Variants in VEPH1 observed in about 807,000 individuals in gnomAD.
VEPH1 encodes the protein ventricular zone expressed PH domain containing 1, also known as ventricular zone-expressed PH domain-containing protein homolog 1.
VEPH1 carries 80 observed loss-of-function variants against 85.2 expected under a neutral mutation model. That is an observed-to-expected ratio of 0.94 (90% CI 0.78 to 1.13). The LOEUF (loss-of-function observed/expected upper bound fraction) is 1.13. Ranked by LOEUF, VEPH1 falls within the 50% of genes most tolerant of loss-of-function variation. The probability of loss-of-function intolerance (pLI) is 0.00; values close to 1 mark genes in which losing one functional copy is unlikely to be tolerated. For missense variants in VEPH1, 955 were observed against 980.5 expected (o/e 0.97, Z 0.35); for synonymous variants, 297 against 348.0 (o/e 0.85, Z 1.63).
chr3:157,460,161 G>A lies in VEPH1; in HGVS notation c.529+20C>T. 1 of 1,614,142 alleles carries A rather than the reference G, an allele frequency of 6.2e-7. No homozygotes were observed. Among genetic ancestry groups the A allele is most frequent in the Non-Finnish European group, 8.5e-7 (1 of 1,180,030 alleles). Reference sequence around the variant, plus strand: ...AATATCTCCCAAAACATGTCCCCAAGCTCAACTTTCGCACCATACCTTGGA... The same window carrying A: ...AATATCTCCCAAAACATGTCCCCAAACTCAACTTTCGCACCATACCTTGGA... On this transcript the variant is annotated intron_variant, in intron 4 of 13. Transcript: ENST00000362010.
At chr3:157,349,491 C>T (rs1724608697) in intron 9 of VEPH1, among the ~76,000 whole-genome samples, 1 of 152,138 alleles carries the variant, frequency 6.6e-6, no homozygotes, top group Non-Finnish European at 1.5e-5. Context: ...GATGCCTACT[C>T]TCCCCAATCT....
At chr3:157,351,664 A>G (rs1439318104) in intron 9 of VEPH1, among the ~76,000 whole-genome samples, 1 of 152,192 alleles carries the variant, frequency 6.6e-6, no homozygotes, top group Non-Finnish European at 1.5e-5. Flanking sequence ...GTCTTGTGGA[A>G]CTGTAGATGC....
intron 11 of VEPH1, among the ~76,000 whole-genome samples, chr3:157,294,908 A>G (rs182675126): frequency 1.4e-4 from 21 of 152,318 alleles, no homozygotes; most frequent in African/African-American, 4.1e-4. Context: ...CCCAGGATAT[A>G]GGAGCTTGGG....
chr3:157,470,263 C>T, intron 3 of VEPH1, 51 bp downstream of exon 3: 1 of 1,564,938 alleles, frequency 6.4e-7, no homozygotes, highest in Non-Finnish European at 8.8e-7. Flanking sequence ...CACAGGTTCA[C>T]CTAGGCTGCC....
chr3:157,459,699 A>G (rs185947274), intron 4 of VEPH1: 6 of 1,396,532 alleles, frequency 4.3e-6, no homozygotes, highest in Middle Eastern at 2.6e-4. Flanking sequence ...TTGGCTTTTT[A>G]TGCTAGTATT....
intron 11 of VEPH1, among the ~76,000 whole-genome samples, chr3:157,300,554 G>A (rs1718675446): frequency 6.6e-6 from 1 of 152,182 alleles, no homozygotes; most frequent in South Asian, 2.1e-4. Flanking sequence ...TATAGTATAA[G>A]TACAGTGTAT....
chr3:157,468,407 T>C (rs1243529242), intron 3 of VEPH1, among the ~76,000 whole-genome samples: 2 of 152,140 alleles, frequency 1.3e-5, no homozygotes, highest in Non-Finnish European at 2.9e-5. Context: ...ACCCCTTCTC[T>C]ACTAAAAATA....
At chr3:157,433,468 T>C (rs908020437) in intron 4 of VEPH1, among the ~76,000 whole-genome samples, 2 of 152,244 alleles carry the variant, frequency 1.3e-5, no homozygotes, top group African/African-American at 4.8e-5. Flanking sequence ...TCTATTGATA[T>C]GATGATTCTT....
intron 7 of VEPH1, among the ~76,000 whole-genome samples, chr3:157,376,171 T>C (rs147679710): frequency 6.5e-4 from 99 of 152,320 alleles, no homozygotes; most frequent in African/African-American, 2.2e-3. Flanking sequence ...TGCTGCTTTC[T>C]CTCCACAATT....
chr3:157,480,668 T>C (rs1389762666), intron 2 of VEPH1, among the ~76,000 whole-genome samples: 1 of 152,208 alleles, frequency 6.6e-6, no homozygotes. Flanking sequence ...ATGGTGCATA[T>C]GTACCATATT....
intron 6 of VEPH1, among the ~76,000 whole-genome samples, chr3:157,403,444 C>A (rs182811590): frequency 2.0e-5 from 3 of 151,984 alleles, no homozygotes; most frequent in East Asian, 1.9e-4. Context: ...ATTAAAGGAT[C>A]TTTTTTTTCT....
chr3:157,409,428 A>T (rs1056922365), intron 6 of VEPH1, among the ~76,000 whole-genome samples: 4 of 152,136 alleles, frequency 2.6e-5, no homozygotes, highest in Admixed American at 1.3e-4. Context: ...GTTCTCCCAG[A>T]AGCAAATTTC....
At chr3:157,342,904 G>A (rs540051481) in intron 9 of VEPH1, among the ~76,000 whole-genome samples, 2 of 152,306 alleles carry the variant, frequency 1.3e-5, no homozygotes, top group East Asian at 3.9e-4. Context: ...CATGGAAACT[G>A]AACAACCTGC....
chr3:157,437,785 G>C (rs1365190510), intron 4 of VEPH1: 3 of 1,464,644 alleles, frequency 2.0e-6, no homozygotes, highest in Non-Finnish European at 2.7e-6. Context: ...GGCGCGTATG[G>C]AGGGCGCGGA....
At chr3:157,424,144 T>C (rs1397323924) in intron 5 of VEPH1, among the ~76,000 whole-genome samples, 1 of 152,182 alleles carries the variant, frequency 6.6e-6, no homozygotes. Context: ...CCCCAAACTG[T>C]TCTCATGGTA....
At chr3:157,303,735 C>T (rs956854324) in intron 11 of VEPH1, among the ~76,000 whole-genome samples, 4 of 152,044 alleles carry the variant, frequency 2.6e-5, no homozygotes. Flanking sequence ...CTTGGTCTGG[C>T]TTCTTAGGGT....
chr3:157,343,316 T>C (rs986250366), intron 9 of VEPH1, among the ~76,000 whole-genome samples: 4 of 151,864 alleles, frequency 2.6e-5, no homozygotes, highest in Non-Finnish European at 5.9e-5. Context: ...AAGAATCAAA[T>C]AGAAGCAATA....
At chr3:157,361,954 G>A (rs190166282) in intron 9 of VEPH1, among the ~76,000 whole-genome samples, 42 of 152,128 alleles carry the variant, frequency 2.8e-4, no homozygotes, top group African/African-American at 9.6e-4. Context: ...TTTGCCTTAC[G>A]TTCCACTATG....
At chr3:157,479,028 G>T (rs950136027) in intron 2 of VEPH1, among the ~76,000 whole-genome samples, 18 of 151,736 alleles carry the variant, frequency 1.2e-4, no homozygotes, top group African/African-American at 4.4e-4. Flanking sequence ...TATTCAAAAA[G>T]ACAAAAAAAA....
Sources: allele counts gnomAD v4.1 joint callset (sites outside exome capture counted in the v4.1 genomes callset), GRCh38; gene constraint gnomAD v4.1.1; transcripts MANE v1.5; gene names NCBI Gene and HGNC (gene_info 2026-07-23, HGNC 2026-07-21).